Variants in CDC5L observed in about 807,000 individuals in gnomAD.
CDC5L encodes the protein cell division cycle 5-like protein.
A neutral mutation model predicts 104.1 loss-of-function variants in CDC5L; 18 were observed. The observed-to-expected ratio is 0.17, with a 90% CI of 0.12 to 0.26. The LOEUF (loss-of-function observed/expected upper bound fraction) is 0.26, where lower values mean the gene tolerates loss of function less well. Ranked by LOEUF, CDC5L falls within the 10% of genes least tolerant of loss-of-function variation. CDC5L has a pLI of 1.00. For synonymous variants in CDC5L, 331 were observed against 322.7 expected (o/e 1.03, Z -0.28); for missense variants, 673 against 956.9 (o/e 0.70, Z 3.91).
intron 8 of CDC5L, among the ~76,000 whole-genome samples, chr6:44,415,744 C>T (rs1172167264): frequency 6.6e-6 from 1 of 152,148 alleles, no homozygotes; most frequent in East Asian, 1.9e-4. Context: ...GCTACTGGGG[C>T]ATGTGATATT....
At chr6:44,411,056 CTGT>C (rs1268771233) in intron 8 of CDC5L, among the ~76,000 whole-genome samples, 1 of 151,276 alleles carries the variant, frequency 6.6e-6, no homozygotes, top group Non-Finnish European at 1.5e-5. Flanking sequence ...TTCTCTGAGG[CTGT>C]TAATGATGGT....
intron 1 of CDC5L, among the ~76,000 whole-genome samples, chr6:44,388,788 C>T (rs1046844227): frequency 6.6e-6 from 1 of 151,778 alleles, no homozygotes; most frequent in Non-Finnish European, 1.5e-5. Context: ...ATTAATTGCA[C>T]CCCCGATATT....
At chr6:44,409,504 A>G (rs1165203677) in intron 8 of CDC5L, among the ~76,000 whole-genome samples, 3 of 152,232 alleles carry the variant, frequency 2.0e-5, no homozygotes, top group African/African-American at 2.4e-5. Flanking sequence ...TTATACAAAT[A>G]TGTAATATTC....
At chr6:44,427,226 A>T (rs1792465153) in intron 13 of CDC5L, among the ~76,000 whole-genome samples, 1 of 152,172 alleles carries the variant, frequency 6.6e-6, no homozygotes, top group Non-Finnish European at 1.5e-5. Flanking sequence ...TGAAGAAATG[A>T]TTTCTTATAT....
rs1283506434 is a variant in CDC5L, at chr6:44,419,556, A to G, written c.1200A>G (p.Gln400=). 1 of 1,613,790 alleles carries G rather than the reference A, an allele frequency of 6.2e-7. No homozygotes were observed. The highest frequency in any genetic ancestry group is 8.5e-7 in the Non-Finnish European group (1 of 1,179,636). Residue 400 remains glutamine, a synonymous_variant, in exon 9 of 16, where the codon CAA becomes CAG. Transcript: ENST00000371477. ...TCTCAGGTGTAACTCCACAGCGACA[A>G]GTTGTACAGACTCCAAACACAGTTC... ...SDFSGVTPQR[Q]VVQTPNTVLS...
intron 7 of CDC5L, among the ~76,000 whole-genome samples, chr6:44,407,021 T>G (rs781130429): frequency 4.6e-5 from 7 of 152,232 alleles, no homozygotes; most frequent in Non-Finnish European, 8.8e-5. Flanking sequence ...GTATCAGATC[T>G]TAAACTGCTC....
At chr6:44,419,341 A>C in intron 8 of CDC5L, 108 bp from the exon 9 acceptor site, 1 of 986,002 alleles carries the variant, frequency 1.0e-6, no homozygotes, top group South Asian at 1.6e-5. Context: ...TCATTGAGAA[A>C]ATGAGTAAGG....
chr6:44,387,941 G>GGT lies in CDC5L; in HGVS notation c.45+74_45+75insTG, dbSNP rs1554157180. On this transcript the variant is annotated intron_variant, in intron 1 of 15. Coordinates refer to ENST00000371477, the MANE Select transcript of CDC5L (RefSeq NM_001253.4). ...GCTTGTGCGCACGCGCGCGGAGGTC[G>GGT]GGGGGGCGACGAGGAGACCCTGTGG... 199 of 1,431,310 alleles carry GGT rather than the reference G, an allele frequency of 1.4e-4. 4 individuals are homozygous for GGT. In the South Asian group the frequency reaches 2.0e-3, roughly 15 times the overall value. 88.7% of individuals were successfully genotyped at this position (1,431,310 alleles called of 1,614,324 possible). A position where few individuals can be genotyped will look rare whatever the true frequency, so the allele number is the denominator to read the frequency against.
At chr6:44,446,173 T>C (rs1286188470) in intron 15 of CDC5L, among the ~76,000 whole-genome samples, 1 of 152,240 alleles carries the variant, frequency 6.6e-6, no homozygotes, top group African/African-American at 2.4e-5. Flanking sequence ...ATCCCATTCA[T>C]GTAGCTCAGT....
chr6:44,407,929 G>A (rs971084368), intron 7 of CDC5L, among the ~76,000 whole-genome samples: 3 of 151,996 alleles, frequency 2.0e-5, no homozygotes, highest in South Asian at 2.1e-4. Flanking sequence ...CTTGTGGCTC[G>A]CTGGACCCTT....
At position 44,445,748 on chromosome 6, in the gene CDC5L, A is replaced by G. The variant is rs776260156; in HGVS notation, c.2185A>G (p.Met729Val). ...GCTTGGGGGTTACCAGTCTCGTGCT[A>G]TGGGGCTCATGAAACAGTTGAATGA... is the stretch of plus-strand genomic sequence containing the variant. ...ILLGGYQSRA[M>V]GLMKQLNDLW... The change falls in exon 15 of 16, where the codon ATG becomes GTG. Residue 729 changes from methionine (M) to valine (V), a missense_variant. Physicochemically the swap from Met to Val is conservative, Grantham distance 21 (BLOSUM62 1). This residue lies in a region of CDC5L where 578 missense variants were observed against 737.0 expected (regional missense o/e 0.78). Coordinates refer to ENST00000371477, the MANE Select transcript of CDC5L (RefSeq NM_001253.4). 2.8e-5 allele frequency: 45 copies of G among 1,613,988 alleles called. No individual in the cohort carries two copies. The highest frequency in any genetic ancestry group is 1.3e-4 in the South Asian group (12 of 91,086).
intron 14 of CDC5L, among the ~76,000 whole-genome samples, chr6:44,444,389 T>C (rs1793352447): frequency 6.6e-6 from 1 of 152,180 alleles, no homozygotes; most frequent in African/African-American, 2.4e-5. Context: ...GTCCCTTGTC[T>C]GTGTGGAGCT....
chr6:44,443,209 G>T (rs1025095867), intron 14 of CDC5L, among the ~76,000 whole-genome samples: 2 of 148,946 alleles, frequency 1.3e-5, no homozygotes, highest in Non-Finnish European at 3.0e-5. Context: ...AAAGGTTTCT[G>T]CTGAGAAGCT....
In CDC5L at chr6:44,393,546, C is replaced by T; in HGVS notation, c.412C>T (p.Arg138Trp). The T allele has an allele frequency of 6.2e-7, 1 of 1,613,822 alleles. No individual in the cohort carries two copies. Residue 138 changes from arginine to tryptophan, a missense_variant, in exon 4 of 16, where the codon CGG becomes TGG. Coordinates refer to ENST00000371477, the MANE Select transcript of CDC5L (RefSeq NM_001253.4). ...IDPNPETKPA[R>W]PDPIDMDEDE... ...TCCAAATCCAGAAACAAAACCAGCG[C>T]GGCCTGATCCAATTGATATGGATGA...
At chr6:44,411,204 TCACAAG>T (rs1265203991) in intron 8 of CDC5L, among the ~76,000 whole-genome samples, 1 of 152,198 alleles carries the variant, frequency 6.6e-6, no homozygotes, top group East Asian at 1.9e-4. Context: ...TGGGGGGCAA[TCACAAG>T]CTGATTGGAA....
intron 8 of CDC5L, among the ~76,000 whole-genome samples, chr6:44,411,143 A>G (rs1791604885): frequency 6.6e-6 from 1 of 150,918 alleles, no homozygotes; most frequent in Admixed American, 6.6e-5. Flanking sequence ...GTCTTTCCTT[A>G]TGGGTATTTC....
chr6:44,442,258 A>G (rs1005816009), intron 14 of CDC5L, among the ~76,000 whole-genome samples: 2 of 151,970 alleles, frequency 1.3e-5, no homozygotes, highest in African/African-American at 4.8e-5. Flanking sequence ...TTGATTGGGG[A>G]ATGTAATCCA....
chr6:44,426,282 C>A, intron 12 of CDC5L, 99 bp downstream of exon 12: 1 of 888,404 alleles, frequency 1.1e-6, no homozygotes, highest in Non-Finnish European at 1.7e-6. Context: ...AAAATTTCAT[C>A]TACTTTCTGG....
At chr6:44,426,372 A>C (rs1393912616) in intron 12 of CDC5L, 110 bp from the exon 13 acceptor site, 5 of 819,432 alleles carry the variant, frequency 6.1e-6, no homozygotes, top group African/African-American at 3.5e-5. Context: ...AAAAAAATGG[A>C]AATTGCTTTT....
Sources: gnomAD v4.1 joint callset for allele counts (sites outside exome capture counted in the v4.1 genomes callset) on GRCh38, gnomAD v4.1.1 for gene constraint, gnomAD v4.1.1 regional missense constraint, MANE v1.5 for transcripts, NCBI Gene and HGNC (gene_info 2026-07-23, HGNC 2026-07-21) for gene names.